The following EP400 variants were observed in gnomAD, a reference collection of about 807,000 sequenced individuals.
EP400 encodes the protein E1A-binding protein p400.
Under a neutral mutation model 354.1 loss-of-function variants are expected in EP400, and 105 were observed. That is an observed-to-expected ratio of 0.30 (90% CI 0.25 to 0.35). The LOEUF is 0.35. Among genes scored for constraint, EP400 ranks in the 10% least tolerant of loss-of-function variants. The probability of loss-of-function intolerance (pLI) is 1.00; values close to 1 mark genes in which losing one functional copy is unlikely to be tolerated. For synonymous variants in EP400, 1,646 were observed against 1,716.9 expected (o/e 0.96, Z 1.02); for missense variants, 3,280 against 4,121.0 (o/e 0.80, Z 5.59).
At chr12:132,051,835 G>A (rs1333638622) in intron 41 of EP400, among the ~76,000 whole-genome samples, 3 of 152,074 alleles carry the variant, frequency 2.0e-5, no homozygotes, top group Non-Finnish European at 2.9e-5. Flanking sequence ...TCCCTTTCCC[G>A]GTCCACTAAG....
Position 132,054,916 on chromosome 12 carries a change from G to T in EP400, c.7729-58G>T, listed in dbSNP as rs1197159052. On this transcript the variant is annotated intron_variant, in intron 43 of 52. Coordinates refer to ENST00000389561, the MANE Select transcript of EP400 (RefSeq NM_015409.5). This position sits in a 1 kb window ranked among gnomAD's most constrained non-coding sequence, Gnocchi z 4.0. Reference sequence around the variant, plus strand: ...CTGAATGAAGTGGAAGCCTTTGGAGGATTTATGCAGGGGAGAGCCTGACGT... The same window carrying T: ...CTGAATGAAGTGGAAGCCTTTGGAGTATTTATGCAGGGGAGAGCCTGACGT... 5.1e-6 allele frequency: 8 copies of T among 1,554,476 alleles called. No individual in the cohort carries two copies. The highest frequency in any genetic ancestry group is 7.1e-6 in the Non-Finnish European group (8 of 1,128,110).
In EP400 at chr12:132,077,759, A is replaced by G; in HGVS notation, c.*86A>G. 1 of 1,421,044 alleles carries G rather than the reference A, an allele frequency of 7.0e-7. No homozygotes were observed. The highest frequency in any genetic ancestry group is 9.3e-7 in the Non-Finnish European group (1 of 1,072,338). The allele number at this position is 1,421,044 out of a possible 1,614,324, so 88.0% of individuals were successfully genotyped here. ...TATTAGTGAACCTTGGGACCATGTCACGCAAGAGATTCAGCACTGGGAAAG... is the reference window on the plus strand; with the variant it reads ...TATTAGTGAACCTTGGGACCATGTCGCGCAAGAGATTCAGCACTGGGAAAG... On this transcript the variant is annotated 3_prime_UTR_variant, in exon 53 of 53. Coordinates refer to ENST00000389561, the MANE Select transcript of EP400 (RefSeq NM_015409.5).
At chr12:132,012,301 T>C (rs1893792901) in intron 16 of EP400, among the ~76,000 whole-genome samples, 1 of 152,234 alleles carries the variant, frequency 6.6e-6, no homozygotes, top group Non-Finnish European at 1.5e-5. Context: ...AGAAATTTAT[T>C]TCTCACAGTT....
intron 2 of EP400, among the ~76,000 whole-genome samples, chr12:131,966,193 C>T (rs145715454): frequency 2.4e-4 from 37 of 152,058 alleles, no homozygotes; most frequent in African/African-American, 5.8e-4. Context: ...AATTTAAGAC[C>T]AACCTGGGCC....
intron 51 of EP400, among the ~76,000 whole-genome samples, chr12:132,073,364 C>T (rs1896122389): frequency 6.6e-6 from 1 of 151,848 alleles, no homozygotes; most frequent in South Asian, 2.1e-4. Context: ...CGATGGCCTC[C>T]ACCCTCTTCT....
At chr12:132,031,128 C>A in intron 29 of EP400, 2 of 437,890 alleles carry the variant, frequency 4.6e-6, no homozygotes, top group South Asian at 1.8e-5. Flanking sequence ...TCGTTTCTGG[C>A]ACAGAAATCG....
chr12:132,006,568 T>A (rs574840642), intron 14 of EP400, 132 bp from the exon 15 acceptor site: 31 of 1,025,580 alleles, frequency 3.0e-5, no homozygotes, highest in Non-Finnish European at 4.1e-5. Context: ...ATTCTTCCTC[T>A]TCCTGTTTTC....
chr12:132,024,164 C>T (rs1894218900), intron 24 of EP400, among the ~76,000 whole-genome samples: 1 of 152,198 alleles, frequency 6.6e-6, no homozygotes, highest in Admixed American at 6.5e-5. Context: ...CAGGCACTTT[C>T]GTTACCAGCA....
intron 1 of EP400, among the ~76,000 whole-genome samples, chr12:131,951,542 T>C (rs1891495255): frequency 6.6e-6 from 1 of 152,172 alleles, no homozygotes; most frequent in Non-Finnish European, 1.5e-5. Flanking sequence ...CTTTTTTACT[T>C]ATTTGTGTTG....
chr12:131,984,610 A>G (rs986877263), intron 5 of EP400, among the ~76,000 whole-genome samples: 2 of 152,120 alleles, frequency 1.3e-5, no homozygotes, highest in Non-Finnish European at 2.9e-5. Flanking sequence ...CCACATACTG[A>G]CTTAAAGCAG....
chr12:132,012,972 A>G, intron 16 of EP400, 37 bp from the exon 17 acceptor site: 2 of 1,526,746 alleles, frequency 1.3e-6, no homozygotes, highest in South Asian at 2.6e-5. Context: ...AAGACAGTGG[A>G]GTGTGAAGGC....
At chr12:132,044,615 C>G in intron 35 of EP400, 56 bp from the exon 36 acceptor site, 1 of 1,604,752 alleles carries the variant, frequency 6.2e-7, no homozygotes, top group Non-Finnish European at 8.5e-7. Flanking sequence ...TGATTTGTGG[C>G]TTATAACATG....
At chr12:131,985,085 A>T (rs114320867) in intron 5 of EP400, among the ~76,000 whole-genome samples, 1 of 152,018 alleles carries the variant, frequency 6.6e-6, no homozygotes, top group African/African-American at 2.4e-5. Context: ...GAAACTCCTA[A>T]CCTCAACTAA....
intron 7 of EP400, among the ~76,000 whole-genome samples, chr12:131,989,255 T>A (rs1484011534): frequency 6.6e-6 from 1 of 152,182 alleles, no homozygotes; most frequent in East Asian, 1.9e-4. Flanking sequence ...GGCCTGCCCT[T>A]CCCCGTGCCT....
rs772326616 is a variant in EP400, at chr12:131,961,022, A to G, written c.403A>G (p.Ser135Gly). Residue 135 changes from serine (S) to glycine (G), a missense_variant, in exon 2 of 53, where the codon AGT becomes GGT. By Grantham distance (56) the Ser-to-Gly change is moderately conservative (BLOSUM62 0). Coordinates refer to ENST00000389561, the MANE Select transcript of EP400 (RefSeq NM_015409.5). ...CTTGTCCCAGCAGGTCCAGACCCAG[A>G]GTCCCACGCAGCCCAGTCCGGGGCC... is the stretch of plus-strand genomic sequence containing the variant. ...SPLSQQVQTQ[S>G]PTQPSPGPGQ... 6.3e-7 allele frequency: 1 copy of G among 1,597,656 alleles called. No individual in the cohort carries two copies. Among genetic ancestry groups the G allele is most frequent in the African/African-American group, 1.3e-5 (1 of 74,404 alleles).
Position 131,981,646 on chromosome 12 carries a change from C to G in EP400, c.1543+50C>G, listed in dbSNP as rs540635754. ...TCCCCGCTCAGGAGCAGGCAGCACA[C>G]TGCGGTTCCAGAAACCAGCACCAGA... On this transcript the variant is annotated intron_variant, in intron 4 of 52. Coordinates refer to ENST00000389561, the MANE Select transcript of EP400 (RefSeq NM_015409.5). 1.2e-5 allele frequency: 18 copies of G among 1,497,004 alleles called. No homozygotes were observed. The South Asian group carries it at 2.2e-4, about 18-fold the overall frequency. The allele number at this position is 1,497,004 out of a possible 1,614,324, so 92.7% of individuals were successfully genotyped here. A position where few individuals can be genotyped will look rare whatever the true frequency, so the allele number is the denominator to read the frequency against.
Position 132,067,127 on chromosome 12 carries a change from A to G in EP400, c.8749+158A>G. ...GCACAAACGTGCCTTGGCGCTTTCC[A>G]GGCGCAAGGCTGGGTCCTCAATTGA... On this transcript the variant is annotated intron_variant, in intron 49 of 52. Transcript: ENST00000389561. This position sits in a 1 kb window ranked among gnomAD's most constrained non-coding sequence, Gnocchi z 5.3. The G allele has an allele frequency of 1.7e-6, 2 of 1,155,864 alleles. No individual in the cohort carries two copies. Among genetic ancestry groups the G allele is most frequent in the Admixed American group, 3.1e-5 (1 of 32,670 alleles). The allele number at this position is 1,155,864 out of a possible 1,614,324, so 71.6% of individuals were successfully genotyped here.
chr12:131,989,702 G>A (rs903449086), intron 7 of EP400, among the ~76,000 whole-genome samples: 6 of 152,214 alleles, frequency 3.9e-5, no homozygotes, highest in Non-Finnish European at 5.9e-5. Context: ...ATAGCACAAT[G>A]TGGTATTCTA....
intron 39 of EP400, 25 bp downstream of exon 39, chr12:132,045,925 C>T (rs201501706): frequency 9.6e-5 from 155 of 1,612,168 alleles, no homozygotes; most frequent in Middle Eastern, 6.7e-4. Flanking sequence ...GTTTGTCCTT[C>T]GAGGAGAGCA....
Sources: gnomAD v4.1 joint callset for allele counts (sites outside exome capture counted in the v4.1 genomes callset) on GRCh38, gnomAD v4.1.1 for gene constraint, Gnocchi (gnomAD v3.1) non-coding constraint, MANE v1.5 for transcripts, NCBI Gene and HGNC (gene_info 2026-07-23, HGNC 2026-07-21) for gene names.